SLF2: variants seen among roughly 807,000 people sequenced by gnomAD.
The protein encoded by SLF2 is SMC5/6 complex localization factor 2, also known as SMC5-SMC6 complex localization factor protein 2.
SLF2 carries 68 observed loss-of-function variants against 124.3 expected under a neutral mutation model. The observed-to-expected ratio is 0.55, with a 90% CI of 0.45 to 0.67. SLF2 has a LOEUF of 0.67. Ranked by LOEUF, SLF2 falls within the 30% of genes least tolerant of loss-of-function variation. The probability of loss-of-function intolerance (pLI) is 0.00; values close to 1 mark genes in which losing one functional copy is unlikely to be tolerated. For synonymous variants in SLF2, 480 were observed against 478.8 expected, an observed-to-expected ratio of 1.00 and a Z score of -0.03; for missense variants, 1,246 against 1,373.7, an observed-to-expected ratio of 0.91 and a Z score of 1.47.
In SLF2 at chr10:100,964,911, AT is replaced by A. The variant is rs1462370539; in HGVS notation, c.*3000del. 3 of 152,436 alleles carry A rather than the reference AT, an allele frequency of 2.0e-5. No homozygotes were observed. The highest frequency in any genetic ancestry group is 2.9e-5 in the Non-Finnish European group (2 of 68,036). The allele number at this position is 152,436 out of a possible 1,614,324, so 9.4% of individuals were successfully genotyped here. ...GCACGTAGAGCAGTTAGCATGATCC[AT>A]GGTTATTCCTTACTCATGAACAGTG... is the stretch of plus-strand genomic sequence containing the variant. On this transcript the variant is annotated 3_prime_UTR_variant, in exon 20 of 20. Coordinates refer to ENST00000238961, the MANE Select transcript of SLF2 (RefSeq NM_018121.4).
At chr10:100,926,738 C>G (rs1849622461) in intron 6 of SLF2, 1 of 152,060 alleles carries the variant, frequency 6.6e-6, no homozygotes, top group Non-Finnish European at 1.5e-5. Flanking sequence ...AACCCCATCT[C>G]TACTAAAAAA....
chr10:100,958,302 A>T (rs1325014241), intron 18 of SLF2, among the ~76,000 whole-genome samples: 1 of 152,242 alleles, frequency 6.6e-6, no homozygotes, highest in Non-Finnish European at 1.5e-5. Context: ...TAGTAAATTT[A>T]AGTTAAATAC....
rs780661091 is a variant in SLF2 at position 100,956,521 on chromosome 10, T to G, written c.3401T>G (p.Leu1134Arg). 45 of 1,611,624 alleles carry G rather than the reference T, an allele frequency of 2.8e-5. 2 individuals carry two copies. The highest frequency in any genetic ancestry group is 1.8e-5 in the Non-Finnish European group (21 of 1,178,622). Residue 1134 changes from leucine to arginine, a missense_variant, in exon 18 of 20, where the codon CTT (leucine) becomes CGT (arginine). Around this residue, in one of 3 missense-constraint regions of SLF2, gnomAD observed 535 missense variants for 632.8 expected, o/e 0.85. Coordinates refer to ENST00000238961, the MANE Select transcript of SLF2 (RefSeq NM_018121.4). ...VKCDIREDARLFYRTKVKDLV... is the reference protein window; with the variant it reads ...VKCDIREDARRFYRTKVKDLV... ...TGTGATATTAGGGAAGATGCAAGACTTTTTTACAGAACTAAGGTAAGTGTG... is the reference window on the plus strand; with the variant it reads ...TGTGATATTAGGGAAGATGCAAGACGTTTTTACAGAACTAAGGTAAGTGTG...
In SLF2 at chr10:100,963,166, A is replaced by G. The variant is rs1055187004; in HGVS notation, c.*1254A>G. ...TCTAGTGTCTCCAGTTGTGGGGGGG[A>G]AAGATGATGGAGGGGAACAGAAACT... On this transcript the variant is annotated 3_prime_UTR_variant, in exon 20 of 20. Transcript: ENST00000238961. 2.0e-5 allele frequency: 3 copies of G among 151,796 alleles called. No homozygotes were observed. The highest frequency in any genetic ancestry group is 4.9e-5 in the African/African-American group (2 of 41,176). The allele number at this position is 151,796 out of a possible 1,614,324, so 9.4% of individuals were successfully genotyped here.
chr10:100,917,179 A>G lies in SLF2; in HGVS notation c.794A>G (p.Asn265Ser). The G allele has an allele frequency of 6.2e-7, 1 of 1,614,198 alleles. No homozygotes were observed. The highest frequency in any genetic ancestry group is 8.5e-7 in the Non-Finnish European group (1 of 1,180,048). ...ATGGAGCAGAGAATCAACTCCGAGAATTCTTTCTCAGAAGCAAGCAGTCTT... is the reference window on the plus strand; with the variant it reads ...ATGGAGCAGAGAATCAACTCCGAGAGTTCTTTCTCAGAAGCAAGCAGTCTT... Reference protein sequence around the residue: ...EQMEQRINSENSFSEASSLSL... With the variant: ...EQMEQRINSESSFSEASSLSL... The change falls in exon 3 of 20, where the codon AAT becomes AGT. Residue 265 changes from asparagine to serine, a missense_variant. Asn to Ser is a conservative substitution (Grantham distance 46). Transcript: ENST00000238961.
chr10:100,919,477 A>G (rs1166178476), intron 4 of SLF2, among the ~76,000 whole-genome samples: 1 of 152,042 alleles, frequency 6.6e-6, no homozygotes, highest in Non-Finnish European at 1.5e-5. Flanking sequence ...GGATATCTAC[A>G]TGACATTAGT....
At chr10:100,914,831 A>G (rs577805978) in intron 1 of SLF2, among the ~76,000 whole-genome samples, 1 of 152,328 alleles carries the variant, frequency 6.6e-6, no homozygotes, top group East Asian at 1.9e-4. Context: ...GTGACCAGTA[A>G]AGTGTACAAG....
Position 100,924,261 on chromosome 10 carries a change from C to A in SLF2, c.1260C>A (p.Thr420=). The A allele has an allele frequency of 1.2e-6, 2 of 1,614,118 alleles. No individual in the cohort carries two copies. The highest frequency in any genetic ancestry group is 2.7e-5 in the African/African-American group (2 of 75,030). The change falls in exon 5 of 20, where the codon ACC becomes ACA. Residue 420 remains threonine (T), a synonymous_variant. Coordinates refer to ENST00000238961, the MANE Select transcript of SLF2 (RefSeq NM_018121.4). ...CTGGCAATTCTGGCCACCATTCTAC[C>A]AGGAATAGTGACCAAATCCAAGTGG... ...SNSGNSGHHS[T]RNSDQIQVAG... is the part of the protein sequence containing the mutation.
At position 100,962,183 on chromosome 10, in the gene SLF2, C is replaced by A. The variant is rs1850437503; in HGVS notation, c.*271C>A. 1 of 301,334 alleles carries A rather than the reference C, an allele frequency of 3.3e-6. No homozygotes were observed. Among genetic ancestry groups the A allele is most frequent in the Non-Finnish European group, 6.1e-6 (1 of 163,474 alleles). 18.7% of individuals were successfully genotyped at this position (301,334 alleles called of 1,614,324 possible). A position where few individuals can be genotyped will look rare whatever the true frequency, so the allele number is the denominator to read the frequency against. ...GGAGGGGTAGAAGCAGAATAATAGT[C>A]ATATGTCTAACCTGCCCCAGTTAAC... On this transcript the variant is annotated 3_prime_UTR_variant, in exon 20 of 20. Transcript: ENST00000238961.
Position 100,962,164 on chromosome 10 carries a change from G to T in SLF2, c.*252G>T, listed in dbSNP as rs1282415156. 7 of 348,558 alleles carry T rather than the reference G, an allele frequency of 2.0e-5. No homozygotes were observed. The highest frequency in any genetic ancestry group is 3.1e-5 in the Non-Finnish European group (6 of 192,290). The allele number at this position is 348,558 out of a possible 1,614,324, so 21.6% of individuals were successfully genotyped here. A position where few individuals can be genotyped will look rare whatever the true frequency, so the allele number is the denominator to read the frequency against. On this transcript the variant is annotated 3_prime_UTR_variant, in exon 20 of 20. Coordinates refer to ENST00000238961, the MANE Select transcript of SLF2 (RefSeq NM_018121.4). ...AGAGTCTTATTAAAAGAGGGGAGGG[G>T]TAGAAGCAGAATAATAGTCATATGT...
At chr10:100,946,938 C>CT in intron 13 of SLF2, 101 bp from the exon 14 acceptor site, 1 of 891,818 alleles carries the variant, frequency 1.1e-6, no homozygotes, top group Non-Finnish European at 1.9e-6. Context: ...CTGTTTTGTA[C>CT]TAGTGCTTCC....
intron 15 of SLF2, among the ~76,000 whole-genome samples, chr10:100,948,940 G>A (rs1355043493): frequency 5.9e-5 from 9 of 152,178 alleles, no homozygotes; most frequent in Admixed American, 5.9e-4. Flanking sequence ...TGTTTGAATT[G>A]CAATTTGGTA....
In SLF2 at chr10:100,944,032, AAC is replaced by A. The variant is rs1311830466; in HGVS notation, c.2665_2666del (p.Gln889AspfsTer9). The A allele has an allele frequency of 1.2e-6, 2 of 1,608,136 alleles. No individual in the cohort carries two copies. Among genetic ancestry groups the A allele is most frequent in the Middle Eastern group, 3.3e-4 (2 of 6,026 alleles). ...DFNEDYLVSETQTTSRGKESE... is the reference protein window; with the variant it reads ...DFNEDYLVSEXQTTSRGKESE... The stretch of plus-strand genomic sequence containing the variant: ...TTTACTCACTTCTCAATAGTTCTGA[AAC>A]ACAGACAACATCAAGGGGGAAAGAA... On this transcript the variant is annotated frameshift_variant, in exon 12 of 20. Coordinates refer to ENST00000238961, the MANE Select transcript of SLF2 (RefSeq NM_018121.4). LOFTEE classifies it high-confidence loss of function.
At position 100,947,113 on chromosome 10, in the gene SLF2, C is replaced by A. The variant is rs143525833; in HGVS notation, c.3009C>A (p.Val1003=). 1 of 1,583,250 alleles carries A rather than the reference C, an allele frequency of 6.3e-7. No individual in the cohort carries two copies. Among genetic ancestry groups the A allele is most frequent in the South Asian group, 1.2e-5 (1 of 86,252 alleles). The stretch of plus-strand genomic sequence containing the variant: ...ACCTCCTGTGGTTGGTACAGCTGGT[C>A]CCTAATTGGACATCACGTGGAAGGT... ...PHNLLWLVQL[V]PNWTSRGRQL... is the part of the protein sequence containing the mutation. The change falls in exon 14 of 20, where the codon GTC becomes GTA. Residue 1003 remains valine (V), a synonymous_variant. Coordinates refer to ENST00000238961, the MANE Select transcript of SLF2 (RefSeq NM_018121.4).
At chr10:100,915,908 C>A in intron 1 of SLF2, 91 bp from the exon 2 acceptor site, 1 of 1,022,378 alleles carries the variant, frequency 9.8e-7, no homozygotes, top group Non-Finnish European at 1.5e-6. Context: ...TGAAATCCAG[C>A]CTTTATTTTA....
intron 9 of SLF2, among the ~76,000 whole-genome samples, chr10:100,932,257 TA>T (rs35269470): frequency 0.45 from 66,843 of 149,138 alleles, 16,533 homozygotes; most frequent in Middle Eastern, 0.6. Flanking sequence ...CACATCTGTT[TA>T]AAAAAAAAAA....
chr10:100,957,330 A>ATTTTTTTTTT (rs71013477), intron 18 of SLF2, among the ~76,000 whole-genome samples: 10 of 91,860 alleles, frequency 1.1e-4, no homozygotes, highest in Non-Finnish European at 1.5e-4. Flanking sequence ...GGAGTCTTCA[A>ATTTTTTTTTT]TTTTTTTTTT....
intron 11 of SLF2, among the ~76,000 whole-genome samples, chr10:100,942,268 AAAC>A: frequency 6.6e-6 from 1 of 152,278 alleles, no homozygotes; most frequent in Non-Finnish European, 1.5e-5. Context: ...CTTTTCTTCT[AAAC>A]AACTAGCTAT....
chr10:100,922,306 G>T (rs970694413), intron 4 of SLF2, among the ~76,000 whole-genome samples: 1 of 152,100 alleles, frequency 6.6e-6, no homozygotes, highest in African/African-American at 2.4e-5. Context: ...AAACTCCTGA[G>T]CCCAAGTGAT....
Sources: allele counts gnomAD v4.1 joint callset (sites outside exome capture counted in the v4.1 genomes callset), GRCh38; gene constraint gnomAD v4.1.1; regional missense constraint gnomAD v4.1.1; transcripts MANE v1.5; gene names NCBI Gene and HGNC (gene_info 2026-07-23, HGNC 2026-07-21).